The following PXYLP1 variants were observed in gnomAD, a reference collection of about 807,000 sequenced individuals.
PXYLP1 encodes 2-phosphoxylose phosphatase 1, also known as acid phosphatase-like 2.
Under a neutral mutation model 37.9 loss-of-function variants are expected in PXYLP1, and 17 were observed. That is an observed-to-expected ratio of 0.45 (90% CI 0.31 to 0.67). The LOEUF (loss-of-function observed/expected upper bound fraction) is 0.67, where lower values mean the gene tolerates loss of function less well. PXYLP1 is among the 30% of genes least tolerant of loss of function. The pLI, the probability that PXYLP1 is intolerant of heterozygous loss-of-function variation, is 0.07. For missense variants in PXYLP1, 511 were observed against 612.0 expected (o/e 0.84, Z 1.74); for synonymous variants, 221 against 232.2 (o/e 0.95, Z 0.44).
At chr3:141,276,188 C>G (rs904826167) in intron 2 of PXYLP1, among the ~76,000 whole-genome samples, 1 of 152,306 alleles carries the variant, frequency 6.6e-6, no homozygotes, top group Non-Finnish European at 1.5e-5. Flanking sequence ...ACAAAATTGC[C>G]TAAGGGCCAT....
chr3:141,253,677 T>C (rs533848013), intron 1 of PXYLP1, among the ~76,000 whole-genome samples: 2 of 129,056 alleles, frequency 1.5e-5, no homozygotes, highest in Non-Finnish European at 3.3e-5. Context: ...TTAAAAAAAC[T>C]TCTTGAAACT....
chr3:141,255,282 A>G (rs371622459), intron 1 of PXYLP1, among the ~76,000 whole-genome samples: 2 of 152,336 alleles, frequency 1.3e-5, no homozygotes, highest in Non-Finnish European at 2.9e-5. Flanking sequence ...AGATATTTGT[A>G]CCACGTGGGT....
chr3:141,262,621 T>G, intron 2 of PXYLP1: 1 of 1,480,482 alleles, frequency 6.8e-7, no homozygotes, highest in Non-Finnish European at 8.9e-7. Flanking sequence ...AGGAAAATTT[T>G]GCAGGGTAAA....
At chr3:141,245,144 G>A (rs1171019910) in intron 1 of PXYLP1, among the ~76,000 whole-genome samples, 1 of 144,406 alleles carries the variant, frequency 6.9e-6, no homozygotes, top group African/African-American at 2.6e-5. Context: ...CTGTCCCCCA[G>A]GTTCAAGCAA....
intron 1 of PXYLP1, among the ~76,000 whole-genome samples, chr3:141,251,653 A>G (rs554655016): frequency 1.6e-4 from 24 of 152,334 alleles, no homozygotes; most frequent in African/African-American, 5.5e-4. Context: ...TACCACTCTG[A>G]ATGTGAAGCA....
At chr3:141,260,384 C>CA (rs2148753239) in intron 2 of PXYLP1, 130 bp downstream of exon 2, 1 of 1,058,844 alleles carries the variant, frequency 9.4e-7, no homozygotes, top group Non-Finnish European at 1.3e-6. Flanking sequence ...TGTTGGCACT[C>CA]ACAGTGGCCG....
At chr3:141,268,168 GGAGAGAGAGA>G (rs142785821) in intron 2 of PXYLP1, among the ~76,000 whole-genome samples, 4,661 of 129,568 alleles carry the variant, frequency 0.036, 129 homozygotes, top group South Asian at 0.091. Context: ...GGTGGGTGGG[GGAGAGAGAGA>G]GAGAGAGAGA....
intron 1 of PXYLP1, among the ~76,000 whole-genome samples, chr3:141,256,409 A>C (rs1941263567): frequency 6.6e-6 from 1 of 152,180 alleles, no homozygotes; most frequent in Admixed American, 6.5e-5. Flanking sequence ...TTTACACCAC[A>C]TTAGGGCTCC....
chr3:141,278,695 G>T (rs1941866458), intron 3 of PXYLP1, among the ~76,000 whole-genome samples, 195 bp downstream of exon 3: 1 of 152,206 alleles, frequency 6.6e-6, no homozygotes, highest in African/African-American at 2.4e-5. Context: ...TTATGCCTGG[G>T]ACTGGGGAGG....
chr3:141,284,386 AC>A (rs5853035), intron 4 of PXYLP1, among the ~76,000 whole-genome samples: 76,136 of 152,036 alleles, frequency 0.5, 20,551 homozygotes, highest in South Asian at 0.67. Context: ...GAAGTGGCAT[AC>A]ATCTTTCCGT....
chr3:141,268,149 T>A (rs1186901383), intron 2 of PXYLP1, among the ~76,000 whole-genome samples: 1 of 147,042 alleles, frequency 6.8e-6, no homozygotes, highest in African/African-American at 2.5e-5. Context: ...AATGGTACCT[T>A]TATATGCGGG....
rs1394092744 is a variant in PXYLP1 at position 141,292,113 on chromosome 3, GAACTCGAGCTTGT to G, written c.506-150_506-138del. On this transcript the variant is annotated intron_variant, in intron 5 of 5. Coordinates refer to ENST00000286353, the MANE Select transcript of PXYLP1 (RefSeq NM_001037172.3). This position sits in a 1 kb window ranked among gnomAD's most constrained non-coding sequence, Gnocchi z 4.3. Reference sequence around the variant, plus strand: ...AGAGGCTCCCTTCACAAGCTGTTGTGAACTCGAGCTTGTAACTTCCACACCATGGGGAAACAGG... The same window carrying G: ...AGAGGCTCCCTTCACAAGCTGTTGTGAACTTCCACACCATGGGGAAACAGG... Among the ~76,000 whole-genome samples, 1 of 152,204 alleles carries G rather than the reference GAACTCGAGCTTGT, an allele frequency of 6.6e-6. No homozygotes were observed. Among genetic ancestry groups the G allele is most frequent in the Non-Finnish European group, 1.5e-5 (1 of 68,048 alleles).
In PXYLP1 at chr3:141,292,606, G is replaced by A. The variant is rs767487928; in HGVS notation, c.844G>A (p.Val282Met). The change falls in exon 6 of 6, where the codon GTG becomes ATG. Residue 282 changes from valine to methionine, a missense_variant. Physicochemically the swap from Val to Met is conservative, Grantham distance 21. Coordinates refer to ENST00000286353, the MANE Select transcript of PXYLP1 (RefSeq NM_001037172.3). The surrounding 1 kb of genome is among the most constrained non-coding windows in gnomAD (Gnocchi z 4.3). Reference sequence around the variant, plus strand: ...GACCTACGGGGAGATGGCCAAGATCGTGGATGTCCCCACCAAGCAGCTTAG... The same window carrying A: ...GACCTACGGGGAGATGGCCAAGATCATGGATGTCCCCACCAAGCAGCTTAG... ...EKTYGEMAKI[V>M]DVPTKQLRAA... The A allele has an allele frequency of 9.3e-6, 15 of 1,613,986 alleles. No homozygotes were observed. Among genetic ancestry groups the A allele is most frequent in the East Asian group, 8.9e-5 (4 of 44,880 alleles).
At chr3:141,243,934 C>CT (rs1350906459) in intron 1 of PXYLP1, among the ~76,000 whole-genome samples, 2 of 152,140 alleles carry the variant, frequency 1.3e-5, no homozygotes, top group African/African-American at 4.8e-5. Flanking sequence ...TACAGTACTC[C>CT]TTTTTTCTGA....
At chr3:141,240,289 TAAAC>T (rs757773327) in intron 1 of PXYLP1, among the ~76,000 whole-genome samples, 5 of 152,220 alleles carry the variant, frequency 3.3e-5, no homozygotes, top group Non-Finnish European at 4.4e-5. Flanking sequence ...GCTCACTGCT[TAAAC>T]AAAGTATGTT....
At chr3:141,268,204 AGAGTGTGTGT>A (rs1347222264) in intron 2 of PXYLP1, among the ~76,000 whole-genome samples, 531 of 29,552 alleles carry the variant, frequency 0.018, 3 homozygotes, top group Middle Eastern at 0.058. Flanking sequence ...AGAGAGAGAG[AGAGTGTGTGT>A]GTGTGTGTGT....
At chr3:141,290,173 CAGCTGCTG>C (rs1942167612) in intron 5 of PXYLP1, among the ~76,000 whole-genome samples, 1 of 152,198 alleles carries the variant, frequency 6.6e-6, no homozygotes, top group South Asian at 2.1e-4. Flanking sequence ...GATGCTTTGG[CAGCTGCTG>C]AGTGTGAGAG....
rs541123860 is a variant in PXYLP1, at chr3:141,286,158, G to GT, written c.366-1155dup. On this transcript the variant is annotated intron_variant, in intron 4 of 5. Transcript: ENST00000286353. Reference sequence around the variant, plus strand: ...GTCCACTTCTCTTCAGCTGGAAAATGTATATACATTCATAGGCTACTTCAT... The same window carrying GT: ...GTCCACTTCTCTTCAGCTGGAAAATGTTATATACATTCATAGGCTACTTCAT... Among the ~76,000 whole-genome samples, 319 of 152,274 alleles carry GT rather than the reference G, an allele frequency of 2.1e-3. 4 individuals carry two copies. The highest frequency in any genetic ancestry group is 4.1e-3 in the South Asian group (20 of 4,832).
chr3:141,289,078 C>G (rs556932977), intron 5 of PXYLP1, among the ~76,000 whole-genome samples: 1 of 152,178 alleles, frequency 6.6e-6, no homozygotes, highest in South Asian at 2.1e-4. Flanking sequence ...AATGCTTGTA[C>G]CTAAATGTGA....
Sources: gnomAD v4.1 joint callset for allele counts (sites outside exome capture counted in the v4.1 genomes callset) on GRCh38, gnomAD v4.1.1 for gene constraint, Gnocchi (gnomAD v3.1) non-coding constraint, MANE v1.5 for transcripts, NCBI Gene and HGNC (gene_info 2026-07-23, HGNC 2026-07-21) for gene names.